The following FGF12 variants were observed in gnomAD, a reference collection of about 807,000 sequenced individuals.
FGF12 encodes the protein fibroblast growth factor 12B.
Under a neutral mutation model 23.6 loss-of-function variants are expected in FGF12, and 14 were observed. That is an observed-to-expected ratio of 0.59 (90% CI 0.39 to 0.93). The LOEUF is 0.93. Among genes scored for constraint, FGF12 ranks in the 40% least tolerant of loss-of-function variants. FGF12 has a pLI of 0.00. For missense variants in FGF12, 175 were observed against 217.8 expected, an observed-to-expected ratio of 0.80 and a Z score of 1.24; for synonymous variants, 62 against 77.3, an observed-to-expected ratio of 0.80 and a Z score of 1.04.
chr3:192,527,796 G>A (rs562637851), intron 2 of FGF12, among the ~76,000 whole-genome samples: 1 of 152,286 alleles, frequency 6.6e-6, no homozygotes, highest in Non-Finnish European at 1.5e-5. Context: ...TGGCTGGGGA[G>A]GCCTTACAAT....
intron 2 of FGF12, among the ~76,000 whole-genome samples, chr3:192,389,919 A>C (rs559680326): frequency 6.6e-6 from 1 of 152,374 alleles, no homozygotes; most frequent in East Asian, 1.9e-4. Context: ...TTTCAATTTT[A>C]AAATGTTTAA....
intron 4 of FGF12, among the ~76,000 whole-genome samples, chr3:192,170,934 G>A (rs1344450626): frequency 6.6e-6 from 1 of 152,134 alleles, no homozygotes; most frequent in African/African-American, 2.4e-5. Context: ...TCTGCGCTCC[G>A]ATCCTAGCAA....
intron 4 of FGF12, among the ~76,000 whole-genome samples, chr3:192,283,503 TA>T (rs1714271731): frequency 6.6e-6 from 1 of 152,156 alleles, no homozygotes; most frequent in Non-Finnish European, 1.5e-5. Context: ...CACATATAAT[TA>T]AATAGCTATA....
intron 2 of FGF12, among the ~76,000 whole-genome samples, chr3:192,459,150 G>A (rs116573449): frequency 6.6e-6 from 1 of 152,036 alleles, no homozygotes; most frequent in African/African-American, 2.4e-5. Flanking sequence ...GTGAAAACAG[G>A]CTAATACATG....
chr3:192,632,568 G>T (rs1413460535), intron 2 of FGF12, among the ~76,000 whole-genome samples: 4 of 152,146 alleles, frequency 2.6e-5, no homozygotes, highest in African/African-American at 9.7e-5. Flanking sequence ...GCTCAGTAAT[G>T]GTTAGATATA....
intron 2 of FGF12, among the ~76,000 whole-genome samples, chr3:192,426,061 A>G (rs552392163): frequency 3.6e-4 from 55 of 152,346 alleles, no homozygotes; most frequent in African/African-American, 1.3e-3. Flanking sequence ...ATCTGTTTTC[A>G]TAAGTAGAAA....
chr3:192,613,478 C>A (rs1292238439), intron 2 of FGF12, among the ~76,000 whole-genome samples: 1 of 151,830 alleles, frequency 6.6e-6, no homozygotes, highest in Non-Finnish European at 1.5e-5. Flanking sequence ...CTTCATTTAC[C>A]TTTATCTGAA....
At chr3:192,634,634 ATC>A (rs1715513166) in intron 2 of FGF12, among the ~76,000 whole-genome samples, 1 of 152,142 alleles carries the variant, frequency 6.6e-6, no homozygotes, top group Non-Finnish European at 1.5e-5. Flanking sequence ...ATACCTTACT[ATC>A]TCTCAAGAGT....
intron 2 of FGF12, among the ~76,000 whole-genome samples, chr3:192,719,802 A>AAAAAAAAAAAAC (rs1553849219): frequency 7.2e-6 from 1 of 138,958 alleles, no homozygotes; most frequent in African/African-American, 2.7e-5. Flanking sequence ...AAAAAAAAAA[A>AAAAAAAAAAAAC]AAGAAAAACA....
At chr3:192,601,547 C>T (rs954950101) in intron 2 of FGF12, among the ~76,000 whole-genome samples, 2 of 151,972 alleles carry the variant, frequency 1.3e-5, no homozygotes. Flanking sequence ...TGTACCCCCA[C>T]AGATATGTAC....
intron 4 of FGF12, among the ~76,000 whole-genome samples, chr3:192,243,298 G>A (rs904224675): frequency 6.6e-6 from 1 of 151,972 alleles, no homozygotes; most frequent in East Asian, 1.9e-4. Flanking sequence ...GGTGTGGGAT[G>A]TGGAGATTAA....
intron 2 of FGF12, among the ~76,000 whole-genome samples, chr3:192,473,011 T>A (rs1446058669): frequency 6.6e-6 from 1 of 152,180 alleles, no homozygotes; most frequent in African/African-American, 2.4e-5. Context: ...ATTTAGCCAT[T>A]TTCTCTTTAA....
chr3:192,565,331 C>T (rs1316266076), intron 2 of FGF12, among the ~76,000 whole-genome samples: 2 of 152,152 alleles, frequency 1.3e-5, no homozygotes, highest in Admixed American at 6.5e-5. Context: ...TATCAGAGTG[C>T]TAATAATAGC....
intron 4 of FGF12, among the ~76,000 whole-genome samples, chr3:192,254,839 A>G (rs967971014): frequency 2.0e-4 from 30 of 152,102 alleles, no homozygotes; most frequent in Non-Finnish European, 4.4e-5. Context: ...TAACAAATAG[A>G]TCCTTCCTTA....
In FGF12 at chr3:192,284,434, T is replaced by A. The variant is rs913129915; in HGVS notation, c.228+50927A>T. ...TCAAATAATCTTTACACCAGAAGTT[T>A]CCAACACAAATGTAAAAAACATAGT... On this transcript the variant is annotated intron_variant, in intron 4 of 5. Coordinates refer to ENST00000445105, the MANE Select transcript of FGF12 (RefSeq NM_004113.6). 3.3e-5 allele frequency among the ~76,000 whole-genome samples: 5 copies of A among 152,108 alleles called. No homozygotes were observed. The South Asian group carries it at 1.0e-3, about 31-fold the overall frequency.
intron 2 of FGF12, among the ~76,000 whole-genome samples, chr3:192,441,205 G>A (rs1722191477): frequency 6.6e-6 from 1 of 152,216 alleles, no homozygotes; most frequent in Admixed American, 6.5e-5. Flanking sequence ...TCAGTGAAAT[G>A]AGATAGTATA....
At chr3:192,363,723 C>T (rs528035376) in intron 2 of FGF12, among the ~76,000 whole-genome samples, 13 of 152,068 alleles carry the variant, frequency 8.5e-5, no homozygotes, top group Non-Finnish European at 1.5e-4. Context: ...ACTCAGCTAT[C>T]GTAAGTGAGA....
chr3:192,520,353 A>C (rs1724786340), intron 2 of FGF12, among the ~76,000 whole-genome samples: 1 of 152,150 alleles, frequency 6.6e-6, no homozygotes, highest in African/African-American at 2.4e-5. Context: ...GACTTCCGTT[A>C]TTTATAATAT....
At chr3:192,487,281 G>A (rs888225349) in intron 2 of FGF12, among the ~76,000 whole-genome samples, 1 of 152,090 alleles carries the variant, frequency 6.6e-6, no homozygotes, top group African/African-American at 2.4e-5. Context: ...CTTGGGAGCT[G>A]TTCCTAGTGC....
Sources: gnomAD v4.1 joint callset for allele counts (sites outside exome capture counted in the v4.1 genomes callset) on GRCh38, gnomAD v4.1.1 for gene constraint, MANE v1.5 for transcripts, NCBI Gene and HGNC (gene_info 2026-07-23, HGNC 2026-07-21) for gene names.